The following CCND3 variants were observed in gnomAD, a reference collection of about 807,000 sequenced individuals.
The protein encoded by CCND3 is cyclin D3, also known as G1/S-specific cyclin-D3.
In CCND3, 9 loss-of-function variants were observed where a neutral mutation model predicts 28.7. The observed-to-expected ratio is 0.31, with a 90% confidence interval of 0.19 to 0.55. CCND3 has a LOEUF of 0.55. Among genes scored for constraint, CCND3 ranks in the 20% least tolerant of loss-of-function variants. CCND3 has a pLI of 0.93. For synonymous variants in CCND3, 164 were observed against 163.9 expected (o/e 1.00, Z 0.00); for missense variants, 315 against 385.8 (o/e 0.82, Z 1.54).
chr6:42,045,088 G>A (rs969760370), intron 1 of CCND3, among the ~76,000 whole-genome samples: 2 of 151,836 alleles, frequency 1.3e-5, no homozygotes, highest in African/African-American at 2.4e-5. Flanking sequence ...ACAGGCGTGA[G>A]CCACTGTGCC....
intron 1 of CCND3, among the ~76,000 whole-genome samples, chr6:42,010,174 A>C (rs576977740): frequency 6.6e-6 from 1 of 152,224 alleles, no homozygotes; most frequent in African/African-American, 2.4e-5. Flanking sequence ...GTTGCAGGCA[A>C]AGTCAGTGAC....
At chr6:41,977,764 G>T (rs567045120) in intron 1 of CCND3, among the ~76,000 whole-genome samples, 1 of 152,264 alleles carries the variant, frequency 6.6e-6, no homozygotes, top group Non-Finnish European at 1.5e-5. Context: ...CCAGCCTCCC[G>T]AATCGACCAT....
Position 41,936,101 on chromosome 6 carries a change from G to A in CCND3, c.718C>T (p.Leu240=). ...AGITGTEVDC[L]RACQEQIEAA... ...TCGATCTGCTCCTGACAGGCCCGCA[G>A]GCAGTCCTGGGAACATGGGAGAAGA... The change falls in exon 5 of 5, where the codon CTG becomes TTG. Residue 240 remains leucine (L), a synonymous_variant. Coordinates refer to ENST00000372991, the MANE Select transcript of CCND3 (RefSeq NM_001760.5). This position sits in a 1 kb window ranked among gnomAD's most constrained non-coding sequence, Gnocchi z 4.4. The A allele has an allele frequency of 6.3e-7, 1 of 1,590,276 alleles. No individual in the cohort carries two copies. Among genetic ancestry groups the A allele is most frequent in the South Asian group, 1.1e-5 (1 of 88,216 alleles).
intron 1 of CCND3, among the ~76,000 whole-genome samples, chr6:41,954,570 T>A (rs998863005): frequency 2.0e-5 from 3 of 149,724 alleles, no homozygotes; most frequent in Admixed American, 1.3e-4. Flanking sequence ...AAAAAAAAAA[T>A]TTTGTTTAGA....
At chr6:41,937,678 A>C in intron 2 of CCND3, 1 of 438,866 alleles carries the variant, frequency 2.3e-6, no homozygotes, top group Non-Finnish European at 4.2e-6. Flanking sequence ...GGGGCCAATA[A>C]TCCAGGCCTT....
chr6:41,992,072 GTCAATAT>G (rs1250885611), intron 1 of CCND3, among the ~76,000 whole-genome samples: 1 of 152,264 alleles, frequency 6.6e-6, no homozygotes, highest in East Asian at 1.9e-4. Flanking sequence ...TGGATGTCTC[GTCAATAT>G]ACTGATTTCC....
rs769272717 is a variant in CCND3 at position 41,940,470 on chromosome 6, A to G, written c.314T>C (p.Val105Ala). The stretch of plus-strand genomic sequence containing the variant: ...CAGCTTGGAGGCCAGCAGCATGCAG[A>G]CCGCACCCAGGAGCTGCAACTGCGC... ...RKAQLQLLGA[V>A]CMLLASKLRE... Residue 105 changes from valine to alanine, a missense_variant, in exon 2 of 5, where the codon GTC becomes GCC. Coordinates refer to ENST00000372991, the MANE Select transcript of CCND3 (RefSeq NM_001760.5). The G allele has an allele frequency of 6.2e-7, 1 of 1,614,092 alleles. No homozygotes were observed. Among genetic ancestry groups the G allele is most frequent in the East Asian group, 2.2e-5 (1 of 44,878 alleles).
chr6:42,023,763 G>C (rs1483758794), intron 1 of CCND3, among the ~76,000 whole-genome samples: 1 of 152,136 alleles, frequency 6.6e-6, no homozygotes, highest in Non-Finnish European at 1.5e-5. Context: ...AATACAGGAT[G>C]CAAGCAGGGT....
At chr6:41,954,899 G>A (rs1171514977) in intron 1 of CCND3, among the ~76,000 whole-genome samples, 1 of 152,158 alleles carries the variant, frequency 6.6e-6, no homozygotes, top group Non-Finnish European at 1.5e-5. Flanking sequence ...GAAAGAAGGA[G>A]CTGGCACCTG....
chr6:41,975,441 G>C (rs1762147238), intron 1 of CCND3, among the ~76,000 whole-genome samples: 1 of 152,132 alleles, frequency 6.6e-6, no homozygotes. Flanking sequence ...ATCCAGAGTG[G>C]CCCTACTCCC....
chr6:41,940,241 C>T (rs1775948826), intron 2 of CCND3, 129 bp downstream of exon 2: 4 of 813,018 alleles, frequency 4.9e-6, no homozygotes, highest in Admixed American at 3.9e-5. Context: ...ACCCCAATTC[C>T]TTTCCCAAAG....
chr6:41,946,442 A>T (rs1035613182), upstream of CCND3, among the ~76,000 whole-genome samples: 13 of 151,690 alleles, frequency 8.6e-5, no homozygotes, highest in Non-Finnish European at 1.5e-4. Flanking sequence ...CCAAAAAAAA[A>T]ATATAAAAAT....
Position 42,028,509 on chromosome 6 carries a change from G to A in CCND3, c.-46+19992C>T, listed in dbSNP as rs143593265. ...CCACGGTCACCGTTGCCACACTGTC[G>A]GCTGCTATTTCTTGCCTCATCTTCC... On this transcript the variant is annotated intron_variant, in intron 1 of 4. Transcript: ENST00000372988. Among the ~76,000 whole-genome samples, 1,413 of 152,278 alleles carry A rather than the reference G, an allele frequency of 9.3e-3. 22 individuals carry two copies. The highest frequency in any genetic ancestry group is 0.032 in the African/African-American group (1,336 of 41,540).
Position 41,940,493 on chromosome 6 carries a change from C to CT in CCND3, c.290_291insA (p.Gln98AlafsTer62). On this transcript the variant is annotated frameshift_variant, in exon 2 of 5. Transcript: ENST00000372991. LOFTEE classifies it high-confidence loss of function. ...AGACCGCACCCAGGAGCTGCAACTG[C>CT]GCCTTTCGGGTGGGGACGCAAGACA... 3 of 1,614,086 alleles carry CT rather than the reference C, an allele frequency of 1.9e-6. No homozygotes were observed. The highest frequency in any genetic ancestry group is 2.5e-6 in the Non-Finnish European group (3 of 1,180,008).
chr6:42,020,261 G>C (rs912874967), intron 1 of CCND3, among the ~76,000 whole-genome samples: 1 of 152,034 alleles, frequency 6.6e-6, no homozygotes, highest in African/African-American at 2.4e-5. Context: ...CAGCCTGGGC[G>C]GCAGAGCGAG....
At chr6:41,994,840 G>T (rs1001851187) in intron 1 of CCND3, among the ~76,000 whole-genome samples, 1 of 152,146 alleles carries the variant, frequency 6.6e-6, no homozygotes, top group South Asian at 2.1e-4. Context: ...TTGGGAGTCC[G>T]AGGTGGGCAG....
intron 1 of CCND3, among the ~76,000 whole-genome samples, chr6:42,041,131 C>T (rs1053559152): frequency 6.6e-6 from 1 of 151,956 alleles, no homozygotes; most frequent in Non-Finnish European, 1.5e-5. Flanking sequence ...ACAAGAAGCA[C>T]CAAAAAATGA....
chr6:42,044,804 T>TTTATTTATTTAC (rs1299079673), intron 1 of CCND3, among the ~76,000 whole-genome samples: 3 of 151,288 alleles, frequency 2.0e-5, no homozygotes. Flanking sequence ...TATTTATTTA[T>TTTATTTATTTAC]TTGAGACGGA....
At chr6:42,036,403 A>ATATATATATT (rs57619585) in intron 1 of CCND3, among the ~76,000 whole-genome samples, 11 of 31,322 alleles carry the variant, frequency 3.5e-4, no homozygotes, top group South Asian at 2.1e-3. Context: ...ATATATATAT[A>ATATATATATT]TTTTTTTTTT....
Sources: allele counts gnomAD v4.1 joint callset (sites outside exome capture counted in the v4.1 genomes callset), GRCh38; gene constraint gnomAD v4.1.1; non-coding constraint Gnocchi (gnomAD v3.1); transcripts MANE v1.5; gene names NCBI Gene and HGNC (gene_info 2026-07-23, HGNC 2026-07-21).